The following VPS13B variants were observed in gnomAD, a reference collection of about 807,000 sequenced individuals.
VPS13B encodes intermembrane lipid transfer protein VPS13B.
VPS13B carries 285 observed loss-of-function variants against 426.4 expected under a neutral mutation model. That is an observed-to-expected ratio of 0.67 (90% CI 0.61 to 0.74). The LOEUF is 0.74. Among genes scored for constraint, VPS13B ranks in the 30% least tolerant of loss-of-function variants. The pLI, the probability that VPS13B is intolerant of heterozygous loss-of-function variation, is 0.00. For synonymous variants in VPS13B, 1,676 were observed against 1,676.4 expected, an observed-to-expected ratio of 1.00 and a Z score of 0.01; for missense variants, 4,537 against 4,782.6, an observed-to-expected ratio of 0.95 and a Z score of 1.51.
At chr8:99,870,934 T>C (rs1445735614) in intron 60 of VPS13B, 47 bp downstream of exon 60, 4 of 1,581,238 alleles carry the variant, frequency 2.5e-6, no homozygotes, top group Non-Finnish European at 3.5e-6. Flanking sequence ...ATATTGTATG[T>C]TAATAGCTCC....
chr8:99,779,853 A>C (rs1451145953), intron 42 of VPS13B, among the ~76,000 whole-genome samples: 1 of 152,152 alleles, frequency 6.6e-6, no homozygotes, highest in African/African-American at 2.4e-5. Flanking sequence ...ATTTCCCCAC[A>C]TTTTGTATAT....
chr8:99,738,678 T>A (rs1169219753), intron 39 of VPS13B, among the ~76,000 whole-genome samples: 1 of 152,240 alleles, frequency 6.6e-6, no homozygotes, highest in Non-Finnish European at 1.5e-5. Context: ...CTAAAGTCTA[T>A]ATACCGTGTT....
chr8:99,793,423 A>G (rs753454092), intron 43 of VPS13B, among the ~76,000 whole-genome samples: 5 of 152,008 alleles, frequency 3.3e-5, no homozygotes, highest in Admixed American at 6.6e-5. Flanking sequence ...CATTAGGAGA[A>G]CAACAATCAA....
chr8:99,860,505 G>A (rs1348212395), intron 57 of VPS13B, among the ~76,000 whole-genome samples: 1 of 152,182 alleles, frequency 6.6e-6, no homozygotes, highest in Admixed American at 6.5e-5. Flanking sequence ...TTGAACCTCA[G>A]TGGTATTTTC....
At chr8:99,370,869 C>T (rs1274140125) in intron 19 of VPS13B, among the ~76,000 whole-genome samples, 1 of 152,074 alleles carries the variant, frequency 6.6e-6, no homozygotes, top group Non-Finnish European at 1.5e-5. Context: ...CTCGGCCTCC[C>T]AAAGTGCTGG....
In VPS13B at chr8:99,835,580, G is replaced by A. The variant is rs756531043; in HGVS notation, c.9784G>A (p.Glu3262Lys). ...GGTTTATTGCAAAAAAATTCCCTCC[G>A]AGTGCTCAATTCATCATGAGCTGTA... ...FEVYCKKIPS[E>K]CSIHHELYHQ... The change falls in exon 54 of 62, where the codon GAG becomes AAG. Residue 3262 changes from glutamate to lysine, a missense_variant. Glu to Lys is a moderately conservative substitution (Grantham distance 56). This residue lies in a region of VPS13B where 4,311 missense variants were observed against 4,474.3 expected (regional missense o/e 0.96). Transcript: ENST00000357162. 59 of 1,613,878 alleles carry A rather than the reference G, an allele frequency of 3.7e-5. No individual in the cohort carries two copies. In the South Asian group the frequency reaches 4.7e-4, roughly 13 times the overall value.
intron 23 of VPS13B, among the ~76,000 whole-genome samples, chr8:99,446,667 A>C (rs892923806): frequency 2.6e-5 from 4 of 152,032 alleles, no homozygotes; most frequent in Non-Finnish European, 5.9e-5. Context: ...TGTGTCTAAT[A>C]TTTTGTTAAA....
At chr8:99,845,578 C>T (rs1250425542) in intron 54 of VPS13B, among the ~76,000 whole-genome samples, 5 of 152,090 alleles carry the variant, frequency 3.3e-5, no homozygotes, top group Non-Finnish European at 5.9e-5. Context: ...GCAGGAAAAC[C>T]CCAATAAGCA....
intron 23 of VPS13B, among the ~76,000 whole-genome samples, chr8:99,449,216 G>A (rs1818069285): frequency 6.6e-6 from 1 of 152,076 alleles, no homozygotes; most frequent in Admixed American, 6.6e-5. Flanking sequence ...TTATGGATAG[G>A]GAAGGAGAGA....
Position 99,823,945 on chromosome 8 carries a change from GCTAT to G in VPS13B, c.9300_9303del (p.Val3102AlafsTer29), listed in dbSNP as rs773945333. 1.9e-6 allele frequency: 3 copies of G among 1,612,970 alleles called. No individual in the cohort carries two copies. Among genetic ancestry groups the G allele is most frequent in the Non-Finnish European group, 2.5e-6 (3 of 1,179,864 alleles). On this transcript the variant is annotated frameshift_variant, in exon 51 of 62. Coordinates refer to ENST00000357162, the MANE Select transcript of VPS13B (RefSeq NM_152564.5). LOFTEE classifies it high-confidence loss of function. ...CATATCAAATATTTTATAAACCACA[GCTAT>G]CTGTCTGCAATCCCCATTCTGGAAA... is the stretch of plus-strand genomic sequence containing the variant.
At chr8:99,037,411 T>C (rs1842796498) in intron 2 of VPS13B, among the ~76,000 whole-genome samples, 1 of 152,046 alleles carries the variant, frequency 6.6e-6, no homozygotes, top group South Asian at 2.1e-4. Flanking sequence ...ATTCAAAATG[T>C]AGTCTTTTTA....
chr8:99,825,822 A>G (rs190965510), intron 51 of VPS13B, among the ~76,000 whole-genome samples: 215 of 152,348 alleles, frequency 1.4e-3, no homozygotes, highest in African/African-American at 4.9e-3. Context: ...TTTATTAAAT[A>G]GAGAATCCTT....
chr8:99,431,947 C>T (rs1443525773), intron 22 of VPS13B, among the ~76,000 whole-genome samples: 3 of 151,994 alleles, frequency 2.0e-5, no homozygotes. Context: ...ATTATTTTCA[C>T]AATTTTAAAT....
At chr8:99,689,466 C>T (rs1294573185) in intron 35 of VPS13B, among the ~76,000 whole-genome samples, 2 of 152,086 alleles carry the variant, frequency 1.3e-5, no homozygotes, top group Admixed American at 1.3e-4. Context: ...GCACCTCACT[C>T]ATCAACAAGG....
Position 99,127,104 on chromosome 8 carries a change from G to GA in VPS13B, c.1206+5671dup, listed in dbSNP as rs574092055. Among the ~76,000 whole-genome samples the GA allele has an allele frequency of 3.6e-3, 483 of 135,848 alleles. 1 individual carries two copies. The highest frequency in any genetic ancestry group is 4.8e-3 in the African/African-American group (179 of 37,098). 89.1% of individuals were successfully genotyped at this position (135,848 alleles called of 152,430 possible). A position where few individuals can be genotyped will look rare whatever the true frequency, so the allele number is the denominator to read the frequency against. The stretch of plus-strand genomic sequence containing the variant: ...GAGCGAGACCTTGTCTCAAAAAAAA[G>GA]AAAAAAAAAAAAGAAAGAAAAGAAA... On this transcript the variant is annotated intron_variant, in intron 8 of 61. Coordinates refer to ENST00000357162, the MANE Select transcript of VPS13B (RefSeq NM_152564.5).
intron 27 of VPS13B, 131 bp from the exon 28 acceptor site, chr8:99,507,006 C>T (rs1821535584): frequency 1.1e-6 from 1 of 897,624 alleles, no homozygotes; most frequent in Non-Finnish European, 1.8e-6. Flanking sequence ...CTATTGATTG[C>T]ATTGTCAGAT....
intron 37 of VPS13B, among the ~76,000 whole-genome samples, chr8:99,719,299 T>C (rs919690793): frequency 3.3e-5 from 5 of 152,218 alleles, no homozygotes; most frequent in African/African-American, 1.2e-4. Flanking sequence ...TGTATTACAG[T>C]CATTGTCTCT....
At chr8:99,457,166 C>T (rs1337280356) in intron 23 of VPS13B, among the ~76,000 whole-genome samples, 1 of 151,472 alleles carries the variant, frequency 6.6e-6, no homozygotes, top group Non-Finnish European at 1.5e-5. Context: ...TGAGTAGCCA[C>T]GATCACAGGC....
chr8:99,049,334 A>G (rs1039494131), intron 3 of VPS13B, among the ~76,000 whole-genome samples: 9 of 151,822 alleles, frequency 5.9e-5, no homozygotes, highest in African/African-American at 2.2e-4. Flanking sequence ...CCCTTTTAGC[A>G]GTTCTTGTAG....
Sources: gnomAD v4.1 joint callset for allele counts (sites outside exome capture counted in the v4.1 genomes callset) on GRCh38, gnomAD v4.1.1 for gene constraint, gnomAD v4.1.1 regional missense constraint, MANE v1.5 for transcripts, NCBI Gene and HGNC (gene_info 2026-07-23, HGNC 2026-07-21) for gene names.